Variants in WDR19 observed in about 807,000 individuals in gnomAD.
The protein encoded by WDR19 is WD repeat domain 19.
WDR19 carries 121 observed loss-of-function variants against 180.0 expected under a neutral mutation model. The observed-to-expected ratio is 0.67, with a 90% CI of 0.58 to 0.78. The LOEUF (loss-of-function observed/expected upper bound fraction) is 0.78, where lower values mean the gene tolerates loss of function less well. Among genes scored for constraint, WDR19 ranks in the 30% least tolerant of loss-of-function variants. The probability of loss-of-function intolerance (pLI) is 0.00; values close to 1 mark genes in which losing one functional copy is unlikely to be tolerated. For missense variants in WDR19, 1,450 were observed against 1,640.7 expected, an observed-to-expected ratio of 0.88 and a Z score of 2.01; for synonymous variants, 497 against 540.7, an observed-to-expected ratio of 0.92 and a Z score of 1.12.
chr4:39,224,738 A>G, intron 14 of WDR19, 146 bp from the exon 15 acceptor site: 1 of 727,546 alleles, frequency 1.4e-6, no homozygotes, highest in Non-Finnish European at 2.1e-6. Flanking sequence ...CCTTTCACAT[A>G]TACTAAATAT....
chr4:39,256,749 C>T (rs528551110), intron 27 of WDR19, among the ~76,000 whole-genome samples: 1 of 152,258 alleles, frequency 6.6e-6, no homozygotes, highest in African/African-American at 2.4e-5. Flanking sequence ...CCTAATCTGG[C>T]ACCCAGCTGT....
At chr4:39,199,402 C>A in intron 5 of WDR19, 76 bp from the exon 6 acceptor site, 1 of 1,039,300 alleles carries the variant, frequency 9.6e-7, no homozygotes, top group Non-Finnish European at 1.4e-6. Context: ...TAATTTCTTG[C>A]TATATTCAGA....
chr4:39,248,905 G>A (rs1464416715), intron 24 of WDR19, among the ~76,000 whole-genome samples: 3 of 151,942 alleles, frequency 2.0e-5, no homozygotes, highest in Non-Finnish European at 2.9e-5. Flanking sequence ...AATAATAATG[G>A]GAGACTTTAA....
intron 6 of WDR19, 45 bp downstream of exon 6, chr4:39,199,638 C>A: frequency 6.8e-7 from 1 of 1,470,840 alleles, no homozygotes; most frequent in Non-Finnish European, 9.4e-7. Context: ...CAAGCTTTCC[C>A]CCCAAATAAA....
At chr4:39,270,136 C>T in intron 31 of WDR19, 36 bp downstream of exon 31, 8 of 1,608,062 alleles carry the variant, frequency 5.0e-6, no homozygotes, top group Non-Finnish European at 6.8e-6. Flanking sequence ...CATAACCTGC[C>T]AGGTGTTTGT....
chr4:39,264,757 C>G (rs573219452), intron 28 of WDR19, among the ~76,000 whole-genome samples: 1 of 152,102 alleles, frequency 6.6e-6, no homozygotes, highest in African/African-American at 2.4e-5. Context: ...TCTGAAGCCT[C>G]CTAATTTTGT....
chr4:39,194,082 G>A (rs1399351805), intron 4 of WDR19, among the ~76,000 whole-genome samples: 3 of 152,168 alleles, frequency 2.0e-5, no homozygotes, highest in Non-Finnish European at 4.4e-5. Flanking sequence ...CTGCTTTTGA[G>A]CTACTCTTAA....
chr4:39,256,097 C>A, intron 27 of WDR19, 137 bp downstream of exon 27: 2 of 454,986 alleles, frequency 4.4e-6, no homozygotes, highest in Non-Finnish European at 7.6e-6. Context: ...TCAGAGCTAA[C>A]TCTGAAATAT....
chr4:39,228,493 G>C lies in WDR19; in HGVS notation c.1785G>C (p.Lys595Asn). 1 of 1,613,760 alleles carries C rather than the reference G, an allele frequency of 6.2e-7. No individual in the cohort carries two copies. The highest frequency in any genetic ancestry group is 1.3e-5 in the African/African-American group (1 of 75,038). Residue 595 changes from lysine to asparagine, a missense_variant, in exon 17 of 37, where the codon AAG becomes AAC. Lys to Asn is a moderately conservative substitution (Grantham distance 94). Coordinates refer to ENST00000399820, the MANE Select transcript of WDR19 (RefSeq NM_025132.4). The stretch of plus-strand genomic sequence containing the variant: ...GTCTGTTTTATAATGTAGGAGCCAA[G>C]GTTATTTTGGCTGGTAGCACCAAAG... Reference protein sequence around the residue: ...VFHKDTIQGAKVILAGSTKVP... With the variant: ...VFHKDTIQGANVILAGSTKVP...
chr4:39,231,692 TAGAC>T (rs1238889650), intron 17 of WDR19, 101 bp from the exon 18 acceptor site: 2 of 1,000,478 alleles, frequency 2.0e-6, no homozygotes, highest in Non-Finnish European at 2.8e-6. Context: ...AGAAATGTTT[TAGAC>T]AGTTTATCTG....
At chr4:39,251,281 G>A (rs1414973649) in intron 24 of WDR19, among the ~76,000 whole-genome samples, 4 of 152,180 alleles carry the variant, frequency 2.6e-5, no homozygotes, top group Non-Finnish European at 4.4e-5. Flanking sequence ...TTTAATAAAT[G>A]GTGCTGGGAA....
intron 20 of WDR19, among the ~76,000 whole-genome samples, chr4:39,235,282 A>G (rs1731267916): frequency 1.3e-5 from 2 of 152,072 alleles, no homozygotes; most frequent in African/African-American, 4.8e-5. Context: ...ATGCACCACA[A>G]GGCCTGGCTA....
intron 19 of WDR19, among the ~76,000 whole-genome samples, chr4:39,232,853 A>T (rs541324953): frequency 6.6e-6 from 1 of 152,202 alleles, no homozygotes. Context: ...ATTAATTATA[A>T]TGTTAATCAT....
chr4:39,255,975 A>T lies in WDR19; in HGVS notation c.3114+15A>T, dbSNP rs746174797. 9 of 1,389,530 alleles carry T rather than the reference A, an allele frequency of 6.5e-6. No homozygotes were observed. In the South Asian group the frequency reaches 1.1e-4, roughly 17 times the overall value. The allele number at this position is 1,389,530 out of a possible 1,614,324, so 86.1% of individuals were successfully genotyped here. ...AATATTCACGAGTTAGTATTTGCCA[A>T]GAAAATATACACTGACTCCGCAGGA... is the stretch of plus-strand genomic sequence containing the variant. On this transcript the variant is annotated intron_variant, in intron 27 of 36. Transcript: ENST00000399820.
At chr4:39,230,775 A>C (rs1357194543) in intron 17 of WDR19, among the ~76,000 whole-genome samples, 1 of 152,204 alleles carries the variant, frequency 6.6e-6, no homozygotes, top group Non-Finnish European at 1.5e-5. Flanking sequence ...GGATGAAAAA[A>C]TGGATAGGTG....
At chr4:39,234,706 G>T in intron 19 of WDR19, 60 bp from the exon 20 acceptor site, 1 of 1,063,350 alleles carries the variant, frequency 9.4e-7, no homozygotes, top group Middle Eastern at 2.0e-4. Flanking sequence ...CTAGCTCTTT[G>T]TGGTAACTTT....
intron 14 of WDR19, among the ~76,000 whole-genome samples, chr4:39,219,347 A>G (rs549880059): frequency 6.6e-6 from 1 of 152,128 alleles, no homozygotes; most frequent in Non-Finnish European, 1.5e-5. Flanking sequence ...GGCAATAGGA[A>G]TTTTTCAGCT....
At chr4:39,268,449 A>G (rs192958579) in intron 30 of WDR19, among the ~76,000 whole-genome samples, 2 of 152,228 alleles carry the variant, frequency 1.3e-5, no homozygotes, top group East Asian at 3.9e-4. Context: ...CCTTAACAAT[A>G]TGAGACATTA....
intron 27 of WDR19, among the ~76,000 whole-genome samples, chr4:39,257,241 G>A (rs547522662): frequency 1.5e-3 from 232 of 152,236 alleles, no homozygotes; most frequent in Non-Finnish European, 2.8e-3. Context: ...ACTGAAAAGG[G>A]CACATTTTGC....
Sources: allele counts gnomAD v4.1 joint callset (sites outside exome capture counted in the v4.1 genomes callset), GRCh38; gene constraint gnomAD v4.1.1; transcripts MANE v1.5; gene names NCBI Gene and HGNC (gene_info 2026-07-23, HGNC 2026-07-21).